PDSS2: variants seen among roughly 807,000 people sequenced by gnomAD.
The protein encoded by PDSS2 is all trans-polyprenyl-diphosphate synthase PDSS2.
A neutral mutation model predicts 44.5 loss-of-function variants in PDSS2; 31 were observed. That is an observed-to-expected ratio of 0.70 (90% CI 0.52 to 0.94). PDSS2 has a LOEUF of 0.94. PDSS2 is among the 40% of genes least tolerant of loss of function. The pLI, the probability that PDSS2 is intolerant of heterozygous loss-of-function variation, is 0.00. For synonymous variants in PDSS2, 157 were observed against 180.3 expected (o/e 0.87, Z 1.03); for missense variants, 452 against 482.2 (o/e 0.94, Z 0.59).
intron 2 of PDSS2, among the ~76,000 whole-genome samples, chr6:107,296,038 C>G (rs141378659): frequency 1.3e-5 from 2 of 152,250 alleles, no homozygotes; most frequent in East Asian, 1.9e-4. Flanking sequence ...AAAGCTGGGT[C>G]GTGGTTCACC....
At chr6:107,155,459 T>G (rs1270662500) in intron 7 of PDSS2, among the ~76,000 whole-genome samples, 2 of 152,070 alleles carry the variant, frequency 1.3e-5, no homozygotes, top group Non-Finnish European at 2.9e-5. Context: ...CAGCCTGATA[T>G]TCTTATGTGA....
intron 7 of PDSS2, among the ~76,000 whole-genome samples, chr6:107,167,915 G>T (rs1441919057): frequency 2.6e-5 from 4 of 152,054 alleles, no homozygotes; most frequent in Admixed American, 2.0e-4. Context: ...GTCAATTTTG[G>T]ATTGGTGTGG....
chr6:107,410,254 C>T (rs1196790500), intron 1 of PDSS2, among the ~76,000 whole-genome samples: 1 of 152,056 alleles, frequency 6.6e-6, no homozygotes, highest in Non-Finnish European at 1.5e-5. Flanking sequence ...ATTGAAAGAA[C>T]GTAAAAGAAG....
intron 2 of PDSS2, among the ~76,000 whole-genome samples, chr6:107,281,818 C>T (rs535880361): frequency 2.4e-4 from 37 of 152,280 alleles, no homozygotes; most frequent in African/African-American, 7.7e-4. Flanking sequence ...CCTTCCCTCA[C>T]GACACTGTAA....
At chr6:107,351,189 A>G (rs1018587789) in intron 1 of PDSS2, among the ~76,000 whole-genome samples, 4 of 152,208 alleles carry the variant, frequency 2.6e-5, no homozygotes, top group Middle Eastern at 6.3e-3. Flanking sequence ...TTTGTCTCTG[A>G]GCACATCTGT....
intron 1 of PDSS2, among the ~76,000 whole-genome samples, chr6:107,402,277 T>G (rs1222528677): frequency 6.9e-6 from 1 of 144,850 alleles, no homozygotes; most frequent in Non-Finnish European, 1.5e-5. Context: ...AGACTCAGTC[T>G]CAAAAAAAAA....
intron 7 of PDSS2, among the ~76,000 whole-genome samples, chr6:107,158,391 G>A (rs1554246107): frequency 6.6e-6 from 1 of 151,202 alleles, no homozygotes; most frequent in Non-Finnish European, 1.5e-5. Flanking sequence ...CTCCATCTTG[G>A]CCAGGCTGGT....
intron 4 of PDSS2, among the ~76,000 whole-genome samples, chr6:107,238,785 C>T (rs80146203): frequency 0.032 from 4,796 of 152,226 alleles, 238 homozygotes; most frequent in East Asian, 0.2. Flanking sequence ...CCAGCTTCTC[C>T]GATGCTAGCC....
chr6:107,372,307 T>A, intron 1 of PDSS2, among the ~76,000 whole-genome samples: 1 of 152,032 alleles, frequency 6.6e-6, no homozygotes, highest in Non-Finnish European at 1.5e-5. Context: ...TCAATAAAAA[T>A]AAGTAAATCA....
intron 1 of PDSS2, among the ~76,000 whole-genome samples, chr6:107,415,984 AG>A (rs1248094132): frequency 1.3e-5 from 2 of 152,178 alleles, no homozygotes; most frequent in African/African-American, 2.4e-5. Flanking sequence ...ACCAGAGGGA[AG>A]TAACAGGGGA....
chr6:107,157,360 A>C (rs1390636481), intron 7 of PDSS2, among the ~76,000 whole-genome samples: 2 of 151,964 alleles, frequency 1.3e-5, no homozygotes, highest in African/African-American at 4.8e-5. Context: ...AATTTTAAAA[A>C]CTTTTTGTAG....
Position 107,264,372 on chromosome 6 carries a change from G to A in PDSS2, c.630+9657C>T, listed in dbSNP as rs535531482. The A allele has an allele frequency of 3.5e-4, 537 of 1,536,822 alleles. 1 individual carries two copies. Among genetic ancestry groups the A allele is most frequent in the Middle Eastern group, 1.7e-4 (1 of 5,928 alleles). On this transcript the variant is annotated intron_variant, in intron 3 of 7. Coordinates refer to ENST00000369037, the MANE Select transcript of PDSS2 (RefSeq NM_020381.4). ...AGTACATCTGTGCCACTGGTTATCC[G>A]GAAGTATAAATCACTAATGCTTAAT...
At chr6:107,284,122 C>A (rs1230672711) in intron 2 of PDSS2, among the ~76,000 whole-genome samples, 1 of 151,840 alleles carries the variant, frequency 6.6e-6, no homozygotes, top group African/African-American at 2.4e-5. Flanking sequence ...GATAAAAAGA[C>A]AATGGAGCCT....
intron 1 of PDSS2, among the ~76,000 whole-genome samples, chr6:107,452,534 T>G (rs923008238): frequency 6.6e-5 from 10 of 151,994 alleles, no homozygotes; most frequent in Non-Finnish European, 1.2e-4. Context: ...ACCCAACCTC[T>G]TGAGTTCAGA....
intron 7 of PDSS2, among the ~76,000 whole-genome samples, chr6:107,183,523 C>T (rs957385775): frequency 6.6e-6 from 1 of 152,134 alleles, no homozygotes; most frequent in African/African-American, 2.4e-5. Context: ...AATGGTGAAA[C>T]CCCATCTCTA....
At chr6:107,440,779 A>T (rs2114803410) in intron 1 of PDSS2, among the ~76,000 whole-genome samples, 1 of 152,342 alleles carries the variant, frequency 6.6e-6, no homozygotes, top group South Asian at 2.1e-4. Flanking sequence ...TACAGGAGGA[A>T]GAGAATGAGT....
chr6:107,375,192 G>A (rs949528017), intron 1 of PDSS2, among the ~76,000 whole-genome samples: 8 of 151,514 alleles, frequency 5.3e-5, no homozygotes, highest in East Asian at 3.9e-4. Context: ...GAAAAAGAGC[G>A]TAATAAACCC....
chr6:107,177,131 CTTTT>C (rs5878907), intron 7 of PDSS2, among the ~76,000 whole-genome samples: 16 of 119,548 alleles, frequency 1.3e-4, no homozygotes, highest in Non-Finnish European at 1.4e-4. Flanking sequence ...TAATGTAATT[CTTTT>C]TTTTTTTTTT....
At chr6:107,170,302 T>G (rs1554248239) in intron 7 of PDSS2, among the ~76,000 whole-genome samples, 1 of 152,180 alleles carries the variant, frequency 6.6e-6, no homozygotes, top group African/African-American at 2.4e-5. Flanking sequence ...TCTCCTAGTG[T>G]GCCGTTTGCT....
Sources: gnomAD v4.1 joint callset for allele counts (sites outside exome capture counted in the v4.1 genomes callset) on GRCh38, gnomAD v4.1.1 for gene constraint, MANE v1.5 for transcripts, NCBI Gene and HGNC (gene_info 2026-07-23, HGNC 2026-07-21) for gene names.